Variants in NELFA observed in about 807,000 individuals in gnomAD.
NELFA encodes the protein negative elongation factor A.
In NELFA, 35 loss-of-function variants were observed where a neutral mutation model predicts 51.8. That is an observed-to-expected ratio of 0.68 (90% CI 0.52 to 0.90). The LOEUF (loss-of-function observed/expected upper bound fraction) is 0.90. Among genes scored for constraint, NELFA ranks in the 40% least tolerant of loss-of-function variants. The pLI is 0.00. For missense variants in NELFA, 658 were observed against 746.4 expected, an observed-to-expected ratio of 0.88 and a Z score of 1.38; for synonymous variants, 417 against 338.4, an observed-to-expected ratio of 1.23 and a Z score of -2.55.
Position 2,006,425 on chromosome 4 carries a change from C to A in NELFA, c.210+2325G>T, listed in dbSNP as rs567209791. 2.6e-5 allele frequency among the ~76,000 whole-genome samples: 4 copies of A among 152,228 alleles called. No homozygotes were observed. In the South Asian group the frequency reaches 8.3e-4, roughly 32 times the overall value. ...CACAATAGGCACCAATGATAGTGGG[C>A]GGATGAATACACCATCTATGTTAAA... On this transcript the variant is annotated intron_variant, in intron 1 of 10. Coordinates refer to ENST00000382882, the MANE Select transcript of NELFA (RefSeq NM_005663.5).
intron 7 of NELFA, 57 bp downstream of exon 7, chr4:1,985,719 G>A (rs1015760740): frequency 1.8e-5 from 25 of 1,417,444 alleles, no homozygotes; most frequent in South Asian, 6.9e-5. Flanking sequence ...GGCCACAATC[G>A]GAACAAAAGG....
chr4:1,989,135 G>A lies in NELFA; in HGVS notation c.544+573C>T, dbSNP rs1728197015. Among the ~76,000 whole-genome samples, 1 of 151,824 alleles carries A rather than the reference G, an allele frequency of 6.6e-6. No homozygotes were observed. The highest frequency in any genetic ancestry group is 1.5e-5 in the Non-Finnish European group (1 of 67,938). ...TAATTTTTGTATTTTTAGTAGAGAC[G>A]GGGTTTCACCATGTGGGCCAGGCTG... On this transcript the variant is annotated intron_variant, in intron 3 of 10. Coordinates refer to ENST00000382882, the MANE Select transcript of NELFA (RefSeq NM_005663.5). This position sits in a 1 kb window ranked among gnomAD's most constrained non-coding sequence, Gnocchi z 4.8.
intron 9 of NELFA, 32 bp from the exon 10 acceptor site, chr4:1,983,727 G>A (rs1577608851): frequency 6.2e-7 from 1 of 1,610,122 alleles, no homozygotes; most frequent in East Asian, 2.2e-5. Context: ...GGGTGCCAGG[G>A]CCCCGCCAGG....
intron 1 of NELFA, chr4:2,007,905 C>A (rs950218677): frequency 4.4e-6 from 2 of 452,678 alleles, no homozygotes; most frequent in Non-Finnish European, 8.9e-6. Flanking sequence ...CAAAACTACT[C>A]GGTTTATTTC....
chr4:1,985,261 C>T (rs567949922), intron 7 of NELFA, among the ~76,000 whole-genome samples: 8 of 152,320 alleles, frequency 5.3e-5, no homozygotes, highest in Admixed American at 2.0e-4. Context: ...CACGCAGCGG[C>T]GGGAAGAAAG....
intron 1 of NELFA, chr4:2,007,900 C>G (rs1728752552): frequency 4.6e-5 from 21 of 451,854 alleles, no homozygotes; most frequent in South Asian, 3.3e-4. Context: ...GTCTGCAAAA[C>G]TACTCGGTTT....
At chr4:1,984,147 G>A in intron 8 of NELFA, 34 bp from the exon 9 acceptor site, 1 of 1,496,760 alleles carries the variant, frequency 6.7e-7, no homozygotes, top group South Asian at 1.3e-5. Context: ...GAGGGGGCTG[G>A]ACCCCCACCC....
Position 1,983,326 on chromosome 4 carries a change from A to G in NELFA, c.1580T>C (p.Val527Ala). 6.2e-7 allele frequency: 1 copy of G among 1,613,976 alleles called. No individual in the cohort carries two copies. Among genetic ancestry groups the G allele is most frequent in the East Asian group, 2.2e-5 (1 of 44,886 alleles). ...RFKKYKPMTN[V>A]S Reference sequence around the variant, plus strand: ...GCTGTGAGGCAGGTGGTTCTAGGACACATTGGTCATGGGCTTGTACTTCTT... The same window carrying G: ...GCTGTGAGGCAGGTGGTTCTAGGACGCATTGGTCATGGGCTTGTACTTCTT... The change falls in exon 11 of 11, where the codon GTG becomes GCG. Residue 527 changes from valine to alanine, a missense_variant. This residue lies in a region of NELFA where 87 missense variants were observed against 130.2 expected (regional missense o/e 0.67). Coordinates refer to ENST00000382882, the MANE Select transcript of NELFA (RefSeq NM_005663.5).
intron 3 of NELFA, among the ~76,000 whole-genome samples, chr4:1,988,826 G>A (rs1470444746): frequency 1.3e-5 from 2 of 152,164 alleles, no homozygotes; most frequent in African/African-American, 4.8e-5. Context: ...AGTAAGGAAC[G>A]TGCCCCTCCA....
intron 1 of NELFA, among the ~76,000 whole-genome samples, chr4:2,006,168 C>T (rs1728704653): frequency 6.6e-6 from 1 of 152,198 alleles, no homozygotes; most frequent in African/African-American, 2.4e-5. Flanking sequence ...GAACAGAGCA[C>T]AGCCCAGAAA....
rs1239193119 is a variant in NELFA, at chr4:1,983,841, C to T, written c.1302+7G>A. On this transcript the variant is annotated splice_region_variant and intron_variant, in intron 9 of 10. Coordinates refer to ENST00000382882, the MANE Select transcript of NELFA (RefSeq NM_005663.5). The stretch of plus-strand genomic sequence containing the variant: ...GTGGCCTGTGGGCCCTACCAGTGTA[C>T]ACCTACCGTGAGGGACAGGTTCTTC... 19 of 1,572,718 alleles carry T rather than the reference C, an allele frequency of 1.2e-5. No homozygotes were observed. The highest frequency in any genetic ancestry group is 1.6e-5 in the Non-Finnish European group (18 of 1,158,924).
chr4:1,985,619 CCT>C (rs1728062651), intron 7 of NELFA, among the ~76,000 whole-genome samples, 155 bp downstream of exon 7: 1 of 152,200 alleles, frequency 6.6e-6, no homozygotes, highest in African/African-American at 2.4e-5. Context: ...GCCCACACTG[CCT>C]CTCATGTACA....
chr4:1,986,679 C>T (rs951950801), intron 4 of NELFA: 14 of 420,144 alleles, frequency 3.3e-5, no homozygotes, highest in Non-Finnish European at 4.9e-5. Context: ...ACCAGTGTGG[C>T]GGGGGCTGAG....
At chr4:1,998,855 C>T (rs1349072285) in intron 1 of NELFA, among the ~76,000 whole-genome samples, 1 of 152,082 alleles carries the variant, frequency 6.6e-6, no homozygotes, top group African/African-American at 2.4e-5. Flanking sequence ...TCAAATTCTC[C>T]AAGGTCGAAA....
At chr4:1,998,555 T>G (rs1396325939) in intron 1 of NELFA, among the ~76,000 whole-genome samples, 1 of 151,842 alleles carries the variant, frequency 6.6e-6, no homozygotes, top group African/African-American at 2.4e-5. Flanking sequence ...GATATCAGAG[T>G]TTGAACACCA....
intron 1 of NELFA, among the ~76,000 whole-genome samples, chr4:2,004,389 T>C (rs1728654047): frequency 6.6e-6 from 1 of 152,106 alleles, no homozygotes; most frequent in Non-Finnish European, 1.5e-5. Flanking sequence ...TGTTTGAAAA[T>C]TGACTAGCAT....
chr4:1,997,675 A>G (rs373388916), intron 1 of NELFA, among the ~76,000 whole-genome samples: 163 of 152,386 alleles, frequency 1.1e-3, no homozygotes, highest in African/African-American at 3.8e-3. Flanking sequence ...TGTAGCCACT[A>G]TGGAAAATAG....
At chr4:1,986,076 A>T (rs1234927908) in intron 6 of NELFA, 38 bp downstream of exon 6, 9 of 1,544,148 alleles carry the variant, frequency 5.8e-6, no homozygotes, top group Non-Finnish European at 7.0e-6. Context: ...GCCCGCAGGG[A>T]CCCCCATTGC....
intron 1 of NELFA, among the ~76,000 whole-genome samples, chr4:1,992,943 G>A (rs907053352): frequency 6.6e-6 from 1 of 152,172 alleles, no homozygotes; most frequent in South Asian, 2.1e-4. Context: ...TGTCGCCCCG[G>A]CCGCTGACCC....
Sources: allele counts gnomAD v4.1 joint callset (sites outside exome capture counted in the v4.1 genomes callset), GRCh38; gene constraint gnomAD v4.1.1; regional missense constraint gnomAD v4.1.1; non-coding constraint Gnocchi (gnomAD v3.1); transcripts MANE v1.5; gene names NCBI Gene and HGNC (gene_info 2026-07-23, HGNC 2026-07-21).